Variants in ZFPM2 observed in about 807,000 individuals in gnomAD.
ZFPM2 encodes zinc finger protein, FOG family member 2.
ZFPM2 carries 20 observed loss-of-function variants against 98.6 expected under a neutral mutation model. That is an observed-to-expected ratio of 0.20 (90% CI 0.14 to 0.29). The LOEUF (loss-of-function observed/expected upper bound fraction) is 0.29, where lower values mean the gene tolerates loss of function less well. ZFPM2 is among the 10% of genes least tolerant of loss of function. The pLI, the probability that ZFPM2 is intolerant of heterozygous loss-of-function variation, is 1.00. For synonymous variants in ZFPM2, 518 were observed against 502.7 expected, an observed-to-expected ratio of 1.03 and a Z score of -0.41; for missense variants, 1,310 against 1,388.6, an observed-to-expected ratio of 0.94 and a Z score of 0.90.
intron 4 of ZFPM2, among the ~76,000 whole-genome samples, chr8:105,594,958 G>A (rs1244358034): frequency 6.6e-6 from 1 of 152,014 alleles, no homozygotes; most frequent in Admixed American, 6.6e-5. Flanking sequence ...TTCTGATGGA[G>A]GATTCTATAA....
chr8:105,396,822 G>C (rs1811229476), intron 1 of ZFPM2, among the ~76,000 whole-genome samples: 1 of 152,086 alleles, frequency 6.6e-6, no homozygotes, highest in Non-Finnish European at 1.5e-5. Flanking sequence ...GTGTTCCAGT[G>C]GCTGTAAGAG....
chr8:105,777,760 A>G (rs1318830387), intron 5 of ZFPM2, among the ~76,000 whole-genome samples: 1 of 152,180 alleles, frequency 6.6e-6, no homozygotes, highest in African/African-American at 2.4e-5. Context: ...GCTGCATACG[A>G]AAAAAAGGCA....
chr8:105,698,546 TTG>T (rs1811071648), intron 5 of ZFPM2, among the ~76,000 whole-genome samples: 1 of 152,240 alleles, frequency 6.6e-6, no homozygotes, highest in South Asian at 2.1e-4. Flanking sequence ...TTTGAATTTT[TTG>T]ATGCCTAGTT....
chr8:105,469,632 TC>T (rs1399223413), intron 3 of ZFPM2, among the ~76,000 whole-genome samples: 1 of 152,236 alleles, frequency 6.6e-6, no homozygotes, highest in African/African-American at 2.4e-5. Flanking sequence ...TTTATGTGCC[TC>T]AGTTTCCTTA....
chr8:105,689,191 A>G (rs1363753386), intron 5 of ZFPM2, among the ~76,000 whole-genome samples: 3 of 152,108 alleles, frequency 2.0e-5, no homozygotes, highest in African/African-American at 7.2e-5. Context: ...AACCACCTCA[A>G]CCAAGTTAAT....
chr8:105,662,151 A>C (rs1817401879), intron 5 of ZFPM2, among the ~76,000 whole-genome samples: 1 of 152,190 alleles, frequency 6.6e-6, no homozygotes, highest in Admixed American at 6.5e-5. Context: ...GGCTGGGCTC[A>C]GGAATGCGGA....
chr8:105,768,663 T>A (rs1156251415), intron 5 of ZFPM2, among the ~76,000 whole-genome samples: 1 of 151,972 alleles, frequency 6.6e-6, no homozygotes, highest in African/African-American at 2.4e-5. Context: ...ATTTAGAATC[T>A]CTATATATGT....
chr8:105,615,720 C>T (rs1816400700), intron 4 of ZFPM2, among the ~76,000 whole-genome samples: 1 of 151,968 alleles, frequency 6.6e-6, no homozygotes, highest in Non-Finnish European at 1.5e-5. Context: ...TCAGAAGGTA[C>T]CCTAGACATT....
intron 5 of ZFPM2, among the ~76,000 whole-genome samples, chr8:105,772,234 C>G (rs1390923809): frequency 6.6e-6 from 1 of 152,086 alleles, no homozygotes; most frequent in Non-Finnish European, 1.5e-5. Flanking sequence ...ATGATGACTA[C>G]CTTTGTAATA....
intron 4 of ZFPM2, among the ~76,000 whole-genome samples, chr8:105,627,625 C>A (rs1433280682): frequency 6.6e-6 from 1 of 152,160 alleles, no homozygotes; most frequent in Non-Finnish European, 1.5e-5. Context: ...AGGCTGTATG[C>A]AACCCTAATA....
chr8:105,534,258 CCTCCT>C (rs1814395468), intron 3 of ZFPM2, among the ~76,000 whole-genome samples: 1 of 50,254 alleles, frequency 2.0e-5, no homozygotes, highest in African/African-American at 1.2e-4. Context: ...TCCCTCCCTT[CCTCCT>C]TTCCTTCCTT....
intron 4 of ZFPM2, among the ~76,000 whole-genome samples, chr8:105,586,947 G>A (rs1202909032): frequency 6.6e-6 from 1 of 151,138 alleles, no homozygotes; most frequent in Admixed American, 6.6e-5. Context: ...ATCCAGAACA[G>A]ATAAAATTAT....
chr8:105,720,502 A>T (rs1455219892), intron 5 of ZFPM2, among the ~76,000 whole-genome samples: 1 of 151,886 alleles, frequency 6.6e-6, no homozygotes, highest in African/African-American at 2.4e-5. Flanking sequence ...TCTCTAGGTT[A>T]CCTTGTATTG....
At chr8:105,322,273 A>G (rs1315289879) in intron 1 of ZFPM2, among the ~76,000 whole-genome samples, 2 of 151,812 alleles carry the variant, frequency 1.3e-5, no homozygotes, top group Non-Finnish European at 2.9e-5. Context: ...AGAAATGATG[A>G]TTTTTTTCTT....
Position 105,742,237 on chromosome 8 carries a change from G to A in ZFPM2, c.533-46481G>A, listed in dbSNP as rs150832544. Among the ~76,000 whole-genome samples the A allele has an allele frequency of 2.1e-3, 315 of 151,940 alleles. 1 individual carries two copies. The highest frequency in any genetic ancestry group is 8.8e-4 in the Non-Finnish European group (60 of 67,964). On this transcript the variant is annotated intron_variant, in intron 5 of 7. Transcript: ENST00000407775. ...AAAACAAAAAAATTTAAAAAGCTGT[G>A]CATGGTGGCGCATGCTTATAGTCCC... is the stretch of plus-strand genomic sequence containing the variant.
intron 3 of ZFPM2, chr8:105,451,419 A>G (rs1249410188): frequency 6.6e-6 from 1 of 152,210 alleles, no homozygotes; most frequent in South Asian, 2.1e-4. Flanking sequence ...CCAAATTTAT[A>G]TGTTCAAATT....
At chr8:105,677,779 G>C (rs1468434901) in intron 5 of ZFPM2, among the ~76,000 whole-genome samples, 1 of 152,008 alleles carries the variant, frequency 6.6e-6, no homozygotes, top group Non-Finnish European at 1.5e-5. Flanking sequence ...TAAATGATAT[G>C]TCTAGCATTA....
chr8:105,510,881 T>C (rs950028618), intron 3 of ZFPM2, among the ~76,000 whole-genome samples: 1 of 152,198 alleles, frequency 6.6e-6, no homozygotes, highest in African/African-American at 2.4e-5. Flanking sequence ...AAGAGGAAGA[T>C]TGAGAAAGTC....
intron 1 of ZFPM2, among the ~76,000 whole-genome samples, chr8:105,413,482 T>TTATATATA (rs200856542): frequency 9.4e-4 from 132 of 140,002 alleles, no homozygotes; most frequent in African/African-American, 2.7e-3. Context: ...AATTCAAACA[T>TTATATATA]TATATATATA....
Sources: allele counts gnomAD v4.1 joint callset (sites outside exome capture counted in the v4.1 genomes callset), GRCh38; gene constraint gnomAD v4.1.1; transcripts MANE v1.5; gene names NCBI Gene and HGNC (gene_info 2026-07-23, HGNC 2026-07-21).